Variants in SCN1A observed in about 807,000 individuals in gnomAD.
SCN1A encodes the protein sodium voltage-gated channel alpha subunit 1, also known as sodium channel protein type 1 subunit alpha.
A neutral mutation model predicts 193.7 loss-of-function variants in SCN1A; 13 were observed. The observed-to-expected ratio is 0.07, with a 90% CI of 0.04 to 0.11. The LOEUF (loss-of-function observed/expected upper bound fraction) is 0.11. Ranked by LOEUF, SCN1A falls within the 10% of genes least tolerant of loss-of-function variation. The pLI, the probability that SCN1A is intolerant of heterozygous loss-of-function variation, is 1.00. For missense variants in SCN1A, 1,432 were observed against 2,451.1 expected (o/e 0.58, Z 8.78); for synonymous variants, 781 against 843.6 (o/e 0.93, Z 1.29).
At chr2:166,132,801 T>G (rs1227758402), upstream of SCN1A, among the ~76,000 whole-genome samples, 1 of 152,172 alleles carries the variant, frequency 6.6e-6, no homozygotes, top group South Asian at 2.1e-4. Flanking sequence ...TTTTTTCAAA[T>G]ATGATATAAA....
intron 2 of SCN1A, among the ~76,000 whole-genome samples, chr2:166,105,503 G>T (rs1224331659): frequency 6.6e-6 from 1 of 152,072 alleles, no homozygotes; most frequent in African/African-American, 2.4e-5. Context: ...TAATCATCAC[G>T]TATTTGACCA....
intron 5 of SCN1A, among the ~76,000 whole-genome samples, chr2:166,057,290 G>A (rs971353787): frequency 6.6e-6 from 1 of 151,796 alleles, no homozygotes; most frequent in South Asian, 2.1e-4. Flanking sequence ...GAACAGTCAC[G>A]GTACGTAAGT....
At chr2:166,013,997 T>G (rs766647924) in intron 20 of SCN1A, 99 bp from the exon 21 acceptor site, 36 of 1,376,314 alleles carry the variant, frequency 2.6e-5, no homozygotes, top group Non-Finnish European at 3.7e-5. Context: ...TATGCTCATC[T>G]CTGTCTTGCT....
At chr2:166,129,670 A>G (rs1487624510), upstream of SCN1A, among the ~76,000 whole-genome samples, 1 of 152,206 alleles carries the variant, frequency 6.6e-6, no homozygotes, top group Non-Finnish European at 1.5e-5. Flanking sequence ...GAACTGCATG[A>G]ACTAACAGGC....
At chr2:166,063,007 C>T (rs976806744) in intron 4 of SCN1A, among the ~76,000 whole-genome samples, 1 of 152,006 alleles carries the variant, frequency 6.6e-6, no homozygotes. Flanking sequence ...CTTTTTACCA[C>T]CCAAGGCTCA....
rs545740675 is a variant in SCN1A at position 166,090,029 on chromosome 2, C to CTTTTTTTTTT, written c.-141-12238_-141-12229dup. Among the ~76,000 whole-genome samples, 13 of 71,420 alleles carry CTTTTTTTTTT rather than the reference C, an allele frequency of 1.8e-4. 1 individual carries two copies. Among genetic ancestry groups the CTTTTTTTTTT allele is most frequent in the African/African-American group, 3.7e-4 (7 of 18,840 alleles). The allele number at this position is 71,420 out of a possible 152,430, so 46.9% of individuals were successfully genotyped here. On this transcript the variant is annotated intron_variant, in intron 2 of 28. Transcript: ENST00000674923. ...TCTTCCTTCCTTCCTTCCTTCTTTC[C>CTTTTTTTTTT]TTTTTTTTTTTTTTTTTTTTTTTTT...
chr2:166,006,439 G>A (rs1327984827), intron 23 of SCN1A, among the ~76,000 whole-genome samples: 1 of 151,334 alleles, frequency 6.6e-6, no homozygotes, highest in Non-Finnish European at 1.5e-5. Flanking sequence ...ACTGTGTTAT[G>A]TTTTAAAATC....
rs541854992 is a variant in SCN1A, at chr2:166,007,666, A to G, written c.4002+2053T>C. Among the ~76,000 whole-genome samples, 31 of 151,542 alleles carry G rather than the reference A, an allele frequency of 2.0e-4. No individual in the cohort carries two copies. The highest frequency in any genetic ancestry group is 3.1e-4 in the Non-Finnish European group (21 of 67,562). On this transcript the variant is annotated intron_variant, in intron 23 of 28. Coordinates refer to ENST00000674923, the MANE Select transcript of SCN1A (RefSeq NM_001165963.4). ...TTTATTTGTTACTTTCTAACTTCTT[A>G]TCAAGCACTGTACAACATGCTTTAT...
chr2:166,024,462 C>T (rs1173185268), intron 19 of SCN1A, among the ~76,000 whole-genome samples: 1 of 152,170 alleles, frequency 6.6e-6, no homozygotes, highest in African/African-American at 2.4e-5. Flanking sequence ...CCTTCATCAG[C>T]ATAATGCATT....
intron 2 of SCN1A, among the ~76,000 whole-genome samples, chr2:166,092,953 C>T (rs1574460825): frequency 6.6e-6 from 1 of 152,018 alleles, no homozygotes; most frequent in South Asian, 2.1e-4. Context: ...TATGTTTATA[C>T]CATGTGACTC....
Position 165,987,936 on chromosome 2 carries a change from T to G in SCN1A, c.*3309A>C, listed in dbSNP as rs1688710410. The G allele has an allele frequency of 1.3e-5, 2 of 152,030 alleles. 1 individual carries two copies. Among genetic ancestry groups the G allele is most frequent in the South Asian group, 4.1e-4 (2 of 4,822 alleles). 9.4% of individuals were successfully genotyped at this position (152,030 alleles called of 1,614,324 possible). ...GGAATTTTTTTCAGCTACTAATATA[T>G]CAGAATTAATTGTTGTGTTGCTTTA... On this transcript the variant is annotated 3_prime_UTR_variant, in exon 29 of 29. Coordinates refer to ENST00000674923, the MANE Select transcript of SCN1A (RefSeq NM_001165963.4).
At chr2:166,129,858 C>A (rs991055077), upstream of SCN1A, among the ~76,000 whole-genome samples, 4 of 152,106 alleles carry the variant, frequency 2.6e-5, no homozygotes, top group Admixed American at 1.3e-4. Flanking sequence ...CTCCCCTGAT[C>A]CTTAGTGGTA....
intron 2 of SCN1A, among the ~76,000 whole-genome samples, chr2:166,090,586 C>T (rs2106079068): frequency 6.6e-6 from 1 of 152,284 alleles, no homozygotes; most frequent in Admixed American, 6.5e-5. Context: ...CTTCACTAGT[C>T]ACCAGGGTCT....
In SCN1A at chr2:166,009,773, C is replaced by T. The variant is rs149579028; in HGVS notation, c.3948G>A (p.Arg1316=). Reference sequence around the variant, plus strand: ...TTAGAGGTCTCAGAGCTCTTAGTGTCCTGAGAGATTTGATGGCTCCAAGTT... The same window carrying T: ...TTAGAGGTCTCAGAGCTCTTAGTGTTCTGAGAGATTTGATGGCTCCAAGTT... ...YSELGAIKSL[R]TLRALRPLRA... Residue 1316 remains arginine, a synonymous_variant, in exon 23 of 29, where the codon AGG becomes AGA. Transcript: ENST00000674923. The T allele has an allele frequency of 1.3e-4, 213 of 1,606,996 alleles. No homozygotes were observed. In the African/African-American group the frequency reaches 2.6e-3, roughly 20 times the overall value.
At chr2:166,147,342 T>C (rs1480117396) in intron 1 of SCN1A, among the ~76,000 whole-genome samples, 4 of 152,196 alleles carry the variant, frequency 2.6e-5, no homozygotes, top group Non-Finnish European at 5.9e-5. Context: ...TACAAAGATA[T>C]ATATGGTAGA....
intron 17 of SCN1A, among the ~76,000 whole-genome samples, chr2:166,038,411 GCTCACT>G (rs1696732953): frequency 6.6e-6 from 1 of 151,670 alleles, no homozygotes; most frequent in African/African-American, 2.4e-5. Context: ...AGTGATCTCG[GCTCACT>G]GCAACCTCTG....
At chr2:166,113,576 A>AAATAG (rs1689532076) in intron 2 of SCN1A, among the ~76,000 whole-genome samples, 1 of 151,722 alleles carries the variant, frequency 6.6e-6, no homozygotes, top group Admixed American at 6.6e-5. Flanking sequence ...ATATAAAATA[A>AAATAG]CAGGTGTGCT....
chr2:166,012,150 A>C lies in SCN1A; in HGVS notation c.3838T>G (p.Phe1280Val). Reference protein sequence around the residue: ...KWVAYGYQTYFTNAWCWLDFL... With the variant: ...KWVAYGYQTYVTNAWCWLDFL... ...TCCAGCCAACACCAGGCATTGGTGA[A>C]ATATGTTTGATAGCCATATGCCACC... Residue 1280 changes from phenylalanine (F) to valine (V), a missense_variant, in exon 22 of 29, where the codon TTC becomes GTC. By Grantham distance (50) the Phe-to-Val change is conservative. Transcript: ENST00000674923. 2 of 1,610,444 alleles carry C rather than the reference A, an allele frequency of 1.2e-6. No homozygotes were observed. The highest frequency in any genetic ancestry group is 1.7e-6 in the Non-Finnish European group (2 of 1,177,386).
intron 2 of SCN1A, among the ~76,000 whole-genome samples, chr2:166,078,364 A>AT (rs534099484): frequency 5.3e-4 from 78 of 146,958 alleles, no homozygotes; most frequent in Non-Finnish European, 9.8e-4. Context: ...GAAAAAATTA[A>AT]TTTTTTTCCT....
Sources: allele counts gnomAD v4.1 joint callset (sites outside exome capture counted in the v4.1 genomes callset), GRCh38; gene constraint gnomAD v4.1.1; transcripts MANE v1.5; gene names NCBI Gene and HGNC (gene_info 2026-07-23, HGNC 2026-07-21).